The following NIBAN1 variants were observed in gnomAD, a reference collection of about 807,000 sequenced individuals.
NIBAN1 encodes niban apoptosis regulator 1.
In NIBAN1, 81 loss-of-function variants were observed where a neutral mutation model predicts 75.1. The ratio of observed to expected loss-of-function variants is 1.08; its 90% CI spans 0.90 to 1.30. The LOEUF (loss-of-function observed/expected upper bound fraction) is 1.30, where lower values mean the gene tolerates loss of function less well. Among genes scored for constraint, NIBAN1 ranks in the 50% most tolerant of loss-of-function variants. The pLI, the probability that NIBAN1 is intolerant of heterozygous loss-of-function variation, is 0.00. For synonymous variants in NIBAN1, 436 were observed against 424.8 expected, an observed-to-expected ratio of 1.03 and a Z score of -0.32; for missense variants, 1,133 against 1,128.1, an observed-to-expected ratio of 1.00 and a Z score of -0.06.
intron 8 of NIBAN1, among the ~76,000 whole-genome samples, chr1:184,822,006 G>A (rs1654714971): frequency 6.6e-6 from 1 of 152,136 alleles, no homozygotes; most frequent in African/African-American, 2.4e-5. Context: ...CCACAAAGCC[G>A]ACAGCCCCGA....
intron 1 of NIBAN1, among the ~76,000 whole-genome samples, chr1:184,902,568 G>A (rs1656980178): frequency 6.6e-6 from 1 of 152,148 alleles, no homozygotes. Flanking sequence ...AAGGAATTAA[G>A]GAGAAGAAAA....
At chr1:184,860,748 C>A (rs1655795988) in intron 5 of NIBAN1, among the ~76,000 whole-genome samples, 2 of 152,130 alleles carry the variant, frequency 1.3e-5, no homozygotes. Flanking sequence ...GATCTGAATC[C>A]AAAATAGTCT....
chr1:184,794,628 A>G lies in NIBAN1; in HGVS notation c.*349T>C. ...GCCTTAAAGTGCACAAGAAGATTGC[A>G]CAATTGAAAAGTGCAGAGTATACTC... is the stretch of plus-strand genomic sequence containing the variant. On this transcript the variant is annotated 3_prime_UTR_variant, in exon 14 of 14. Coordinates refer to ENST00000367511, the MANE Select transcript of NIBAN1 (RefSeq NM_052966.4). 1 of 372,968 alleles carries G rather than the reference A, an allele frequency of 2.7e-6. No homozygotes were observed. Among genetic ancestry groups the G allele is most frequent in the East Asian group, 6.8e-5 (1 of 14,770 alleles). 23.1% of individuals were successfully genotyped at this position (372,968 alleles called of 1,614,324 possible). A position where few individuals can be genotyped will look rare whatever the true frequency, so the allele number is the denominator to read the frequency against.
At chr1:184,936,157 A>G (rs188302812) in intron 1 of NIBAN1, among the ~76,000 whole-genome samples, 3 of 152,308 alleles carry the variant, frequency 2.0e-5, no homozygotes, top group African/African-American at 7.2e-5. Context: ...TTCCATCACC[A>G]GACCATGAAA....
At chr1:184,969,345 G>C (rs962698797) in intron 1 of NIBAN1, among the ~76,000 whole-genome samples, 1 of 152,164 alleles carries the variant, frequency 6.6e-6, no homozygotes, top group Non-Finnish European at 1.5e-5. Context: ...CAGCTTTGCA[G>C]TGCTCCAAGT....
chr1:184,852,319 C>G (rs946987273), intron 5 of NIBAN1, among the ~76,000 whole-genome samples: 11 of 152,302 alleles, frequency 7.2e-5, no homozygotes, highest in Admixed American at 7.2e-4. Context: ...TTACTATCCC[C>G]TGCTTGCCAC....
Position 184,841,569 on chromosome 1 carries a change from A to G in NIBAN1, c.602-9607T>C, listed in dbSNP as rs546760275. Reference sequence around the variant, plus strand: ...TCACAGCCTTGGAAAGGAAAAACCTAGAAGAAAGAGATCTTTATCTATACG... The same window carrying G: ...TCACAGCCTTGGAAAGGAAAAACCTGGAAGAAAGAGATCTTTATCTATACG... On this transcript the variant is annotated intron_variant, in intron 5 of 13. Coordinates refer to ENST00000367511, the MANE Select transcript of NIBAN1 (RefSeq NM_052966.4). 1.3e-4 allele frequency among the ~76,000 whole-genome samples: 20 copies of G among 152,370 alleles called. No individual in the cohort carries two copies. In the East Asian group the frequency reaches 2.3e-3, roughly 18 times the overall value.
At chr1:184,826,294 T>G (rs956716687) in intron 6 of NIBAN1, among the ~76,000 whole-genome samples, 4 of 152,224 alleles carry the variant, frequency 2.6e-5, no homozygotes, top group African/African-American at 9.6e-5. Flanking sequence ...TTCAGCCTTC[T>G]CTGGGGGCAG....
intron 1 of NIBAN1, among the ~76,000 whole-genome samples, chr1:184,899,951 G>T (rs1341393318): frequency 6.6e-6 from 1 of 151,806 alleles, no homozygotes; most frequent in Non-Finnish European, 1.5e-5. Context: ...TGAGTAGCTG[G>T]GATTACATGT....
rs1246781715 is a variant in NIBAN1, at chr1:184,809,535, G to A, written c.1174-1300C>T. On this transcript the variant is annotated intron_variant, in intron 9 of 13. Coordinates refer to ENST00000367511, the MANE Select transcript of NIBAN1 (RefSeq NM_052966.4). The stretch of plus-strand genomic sequence containing the variant: ...GGAAACATTTTTTAACATGAGAAAT[G>A]TACTTTCAACCTGGCTATCTTGTCT... Among the ~76,000 whole-genome samples the A allele has an allele frequency of 2.6e-5, 4 of 151,740 alleles. 1 individual carries two copies. The highest frequency in any genetic ancestry group is 4.1e-4 in the South Asian group (2 of 4,820).
At chr1:184,881,537 C>A (rs1185629877) in intron 5 of NIBAN1, among the ~76,000 whole-genome samples, 1 of 152,104 alleles carries the variant, frequency 6.6e-6, no homozygotes, top group Non-Finnish European at 1.5e-5. Context: ...GTTCTTGGAT[C>A]TCGCGCAAGA....
At chr1:184,876,970 A>G (rs1656250358) in intron 5 of NIBAN1, among the ~76,000 whole-genome samples, 5 of 152,234 alleles carry the variant, frequency 3.3e-5, no homozygotes, top group Admixed American at 3.3e-4. Context: ...ACACTCATTA[A>G]CACAGATGTG....
intron 6 of NIBAN1, among the ~76,000 whole-genome samples, chr1:184,826,721 T>TCAC (rs1654850804): frequency 2.0e-5 from 3 of 152,202 alleles, no homozygotes; most frequent in Non-Finnish European, 4.4e-5. Flanking sequence ...AAAATAATGT[T>TCAC]CCATTTGGGT....
intron 1 of NIBAN1, among the ~76,000 whole-genome samples, chr1:184,918,364 G>A (rs1373802497): frequency 6.6e-6 from 1 of 152,040 alleles, no homozygotes; most frequent in Non-Finnish European, 1.5e-5. Context: ...TTCACATCAC[G>A]GCAAAGGTAA....
At chr1:184,874,049 A>G (rs1656174999) in intron 5 of NIBAN1, among the ~76,000 whole-genome samples, 1 of 152,124 alleles carries the variant, frequency 6.6e-6, no homozygotes. Flanking sequence ...AGTTATCTAT[A>G]TTTTTTGAGA....
chr1:184,959,887 C>T (rs1328801673), intron 1 of NIBAN1, among the ~76,000 whole-genome samples: 1 of 152,212 alleles, frequency 6.6e-6, no homozygotes. Flanking sequence ...ATCAGAGACA[C>T]ATGATCTTCT....
At chr1:184,937,600 C>T (rs1351395220) in intron 1 of NIBAN1, among the ~76,000 whole-genome samples, 5 of 152,162 alleles carry the variant, frequency 3.3e-5, no homozygotes, top group South Asian at 2.1e-4. Flanking sequence ...ATGCTTTCAA[C>T]GAGTGTAGCA....
intron 12 of NIBAN1, among the ~76,000 whole-genome samples, chr1:184,803,241 T>C (rs181095307): frequency 2.0e-5 from 3 of 152,344 alleles, no homozygotes; most frequent in East Asian, 3.9e-4. Context: ...TATCCTTAGG[T>C]ATTCTATGTC....
chr1:184,899,074 G>T, intron 2 of NIBAN1, 105 bp downstream of exon 2: 2 of 1,361,650 alleles, frequency 1.5e-6, no homozygotes, highest in Non-Finnish European at 2.0e-6. Context: ...TCAGAGCAGA[G>T]TTTTTAAAAC....
Sources: allele counts gnomAD v4.1 joint callset (sites outside exome capture counted in the v4.1 genomes callset), GRCh38; gene constraint gnomAD v4.1.1; transcripts MANE v1.5; gene names NCBI Gene and HGNC (gene_info 2026-07-23, HGNC 2026-07-21).